Variants in KAT6A observed in about 807,000 individuals in gnomAD.
The protein encoded by KAT6A is histone acetyltransferase KAT6A.
KAT6A carries 9 observed loss-of-function variants against 198.4 expected under a neutral mutation model. The observed-to-expected ratio is 0.05, with a 90% CI of 0.03 to 0.08. KAT6A has a LOEUF of 0.08. Among genes scored for constraint, KAT6A ranks in the 10% least tolerant of loss-of-function variants. The probability of loss-of-function intolerance (pLI) is 1.00; values close to 1 mark genes in which losing one functional copy is unlikely to be tolerated. For synonymous variants in KAT6A, 890 were observed against 883.0 expected (o/e 1.01, Z -0.14); for missense variants, 2,077 against 2,509.9 (o/e 0.83, Z 3.69).
intron 12 of KAT6A, among the ~76,000 whole-genome samples, chr8:41,946,145 G>C (rs537574741): frequency 3.6e-4 from 55 of 152,222 alleles, no homozygotes; most frequent in African/African-American, 1.3e-3. Flanking sequence ...GCCCAGGCTA[G>C]GGCCTGCAAT....
intron 2 of KAT6A, among the ~76,000 whole-genome samples, chr8:42,046,603 G>C (rs894983673): frequency 6.6e-6 from 1 of 152,160 alleles, no homozygotes; most frequent in Non-Finnish European, 1.5e-5. Context: ...GTATGGCACT[G>C]AACTGATCTA....
chr8:41,960,530 T>C (rs1823157006), intron 8 of KAT6A, among the ~76,000 whole-genome samples: 4 of 149,488 alleles, frequency 2.7e-5, no homozygotes, highest in Admixed American at 2.7e-4. Context: ...AAAAAAAGTC[T>C]GGTTAAAATA....
intron 2 of KAT6A, among the ~76,000 whole-genome samples, chr8:42,030,596 G>A (rs915489896): frequency 5.3e-5 from 8 of 150,400 alleles, no homozygotes; most frequent in African/African-American, 2.0e-4. Context: ...ACACAGTTTT[G>A]TTCTGTCACC....
chr8:42,022,617 C>T (rs1036679975), intron 2 of KAT6A, among the ~76,000 whole-genome samples: 3 of 152,160 alleles, frequency 2.0e-5, no homozygotes, highest in Non-Finnish European at 2.9e-5. Context: ...GAAGCAGTTA[C>T]TCTCACATAC....
intron 2 of KAT6A, among the ~76,000 whole-genome samples, chr8:42,035,655 T>C (rs1245795444): frequency 6.6e-6 from 1 of 152,168 alleles, no homozygotes; most frequent in Admixed American, 6.5e-5. Context: ...GGTCAACAAA[T>C]GCTAAATGCA....
chr8:42,013,542 C>CT (rs1163715066), intron 2 of KAT6A, among the ~76,000 whole-genome samples: 2 of 152,100 alleles, frequency 1.3e-5, no homozygotes, highest in Admixed American at 6.5e-5. Flanking sequence ...CTTGGCTCTG[C>CT]TTTTTTTCAA....
At position 41,980,881 on chromosome 8, in the gene KAT6A, T is replaced by C. The variant is rs1178645226; in HGVS notation, c.872A>G (p.Glu291Gly). Residue 291 changes from glutamate to glycine, a missense_variant, in exon 5 of 17, where the codon GAG becomes GGG. Physicochemically the swap from Glu to Gly is moderately conservative, Grantham distance 98. Coordinates refer to ENST00000265713, the MANE Select transcript of KAT6A (RefSeq NM_006766.5). ...CDSCDRGFHM[E>G]CCDPPLTRMP... ...ACGGGTGAGTGGCGGATCACAACAC[T>C]CCATGTGAAAACCTCGGTCACATGA... The C allele has an allele frequency of 6.2e-7, 1 of 1,613,602 alleles. No individual in the cohort carries two copies. Among genetic ancestry groups the C allele is most frequent in the Non-Finnish European group, 8.5e-7 (1 of 1,179,664 alleles).
At chr8:41,940,636 C>T (rs905815886) in intron 15 of KAT6A, among the ~76,000 whole-genome samples, 7 of 152,098 alleles carry the variant, frequency 4.6e-5, no homozygotes, top group African/African-American at 1.7e-4. Context: ...AAGTGAATTC[C>T]CATGAATCAA....
intron 8 of KAT6A, among the ~76,000 whole-genome samples, chr8:41,962,728 C>T (rs1823271605): frequency 2.0e-5 from 3 of 152,106 alleles, no homozygotes; most frequent in African/African-American, 4.8e-5. Context: ...TTACAATGGC[C>T]AAGAAGACCC....
At position 42,003,718 on chromosome 8, in the gene KAT6A, A is replaced by T. The variant is rs113240423; in HGVS notation, c.601-16155T>A. On this transcript the variant is annotated intron_variant, in intron 2 of 16. Coordinates refer to ENST00000265713, the MANE Select transcript of KAT6A (RefSeq NM_006766.5). Reference sequence around the variant, plus strand: ...CATATGGTGAAGCCCTAATTCCTCAATGTGACTCTATTTGGAGAGAAGGCC... The same window carrying T: ...CATATGGTGAAGCCCTAATTCCTCATTGTGACTCTATTTGGAGAGAAGGCC... Among the ~76,000 whole-genome samples, 667 of 152,208 alleles carry T rather than the reference A, an allele frequency of 4.4e-3. 1 individual carries two copies. Among genetic ancestry groups the T allele is most frequent in the African/African-American group, 0.013 (556 of 41,518 alleles).
intron 2 of KAT6A, chr8:42,043,452 A>G (rs576512907): frequency 1.3e-5 from 2 of 152,308 alleles, no homozygotes; most frequent in Admixed American, 6.5e-5. Context: ...ATTAGTTAGC[A>G]CAGAAATTAT....
At chr8:41,939,442 A>C (rs890323061) in intron 15 of KAT6A, among the ~76,000 whole-genome samples, 2 of 152,122 alleles carry the variant, frequency 1.3e-5, no homozygotes, top group Non-Finnish European at 2.9e-5. Flanking sequence ...TTACAGGTAC[A>C]ATCATTGTGC....
intron 16 of KAT6A, 57 bp from the exon 17 acceptor site, chr8:41,934,924 C>A: frequency 7.3e-7 from 1 of 1,363,614 alleles, no homozygotes; most frequent in South Asian, 1.4e-5. Context: ...TTTTCTAGTT[C>A]CTTCTTCCAA....
At chr8:42,035,905 C>G (rs1159029317) in intron 2 of KAT6A, among the ~76,000 whole-genome samples, 4 of 151,920 alleles carry the variant, frequency 2.6e-5, no homozygotes, top group Non-Finnish European at 5.9e-5. Flanking sequence ...AAAAAGTGAG[C>G]GAGAAAGATG....
intron 8 of KAT6A, among the ~76,000 whole-genome samples, chr8:41,960,500 C>G (rs1823153222): frequency 7.6e-6 from 1 of 131,588 alleles, no homozygotes; most frequent in Non-Finnish European, 1.6e-5. Flanking sequence ...GAGTAAGACT[C>G]CGTCTCAAAA....
intron 8 of KAT6A, chr8:41,958,492 T>C (rs2150873327): frequency 6.6e-6 from 1 of 152,332 alleles, no homozygotes; most frequent in African/African-American, 2.4e-5. Flanking sequence ...CCTCAACTAA[T>C]TCCTCCCTAA....
intron 2 of KAT6A, among the ~76,000 whole-genome samples, chr8:42,038,064 A>AT (rs1017190589): frequency 1.3e-5 from 2 of 152,202 alleles, no homozygotes; most frequent in Non-Finnish European, 2.9e-5. Flanking sequence ...AAATTACTTC[A>AT]TTAATTAATA....
intron 2 of KAT6A, among the ~76,000 whole-genome samples, chr8:42,047,231 A>T (rs113987165): frequency 6.6e-6 from 1 of 152,252 alleles, no homozygotes; most frequent in Admixed American, 6.5e-5. Context: ...GTAAATTTAC[A>T]GCTAAGATAC....
intron 2 of KAT6A, 138 bp from the exon 3 acceptor site, chr8:41,987,701 T>G (rs1165084419): frequency 1.5e-6 from 1 of 646,536 alleles, no homozygotes; most frequent in Admixed American, 2.5e-5. Context: ...TCCAGCTAAG[T>G]AGGTGAGTTT....
Sources: gnomAD v4.1 joint callset for allele counts (sites outside exome capture counted in the v4.1 genomes callset) on GRCh38, gnomAD v4.1.1 for gene constraint, MANE v1.5 for transcripts, NCBI Gene and HGNC (gene_info 2026-07-23, HGNC 2026-07-21) for gene names.